Variants in DARS2 observed in about 807,000 individuals in gnomAD.
DARS2 encodes aspartate--tRNA ligase, mitochondrial.
A neutral mutation model predicts 83.0 loss-of-function variants in DARS2; 63 were observed. The ratio of observed to expected loss-of-function variants is 0.76; its 90% CI spans 0.62 to 0.94. The LOEUF (loss-of-function observed/expected upper bound fraction) is 0.94, where lower values mean the gene tolerates loss of function less well. Among genes scored for constraint, DARS2 ranks in the 40% least tolerant of loss-of-function variants. DARS2 has a pLI of 0.00. For missense variants in DARS2, 675 were observed against 774.4 expected (o/e 0.87, Z 1.52); for synonymous variants, 250 against 269.3 (o/e 0.93, Z 0.70).
chr1:173,830,159 T>C (rs897605787), intron 3 of DARS2, among the ~76,000 whole-genome samples: 2 of 152,216 alleles, frequency 1.3e-5, no homozygotes, highest in African/African-American at 2.4e-5. Context: ...TTGGTTTCTA[T>C]TGCAATTTTT....
intron 12 of DARS2, among the ~76,000 whole-genome samples, chr1:173,847,816 TACCTTCTGC>T (rs1653491936): frequency 6.6e-6 from 1 of 151,284 alleles, no homozygotes; most frequent in Non-Finnish European, 1.5e-5. Flanking sequence ...AGTTACTCTG[TACCTTCTGC>T]ACAGCTGTCT....
chr1:173,856,352 G>A (rs1267997624), intron 15 of DARS2, among the ~76,000 whole-genome samples: 1 of 152,162 alleles, frequency 6.6e-6, no homozygotes, highest in Non-Finnish European at 1.5e-5. Flanking sequence ...AGAGTTTCCT[G>A]CTTTTTATCC....
At chr1:173,826,199 G>A (rs963563102) in intron 1 of DARS2, among the ~76,000 whole-genome samples, 12 of 151,514 alleles carry the variant, frequency 7.9e-5, no homozygotes, top group African/African-American at 2.9e-4. Context: ...ACTCCAGCCT[G>A]GGCGACAGAG....
chr1:173,841,279 G>C (rs898338668), intron 11 of DARS2, among the ~76,000 whole-genome samples: 2 of 151,704 alleles, frequency 1.3e-5, no homozygotes, highest in African/African-American at 4.8e-5. Flanking sequence ...TGGGAGGCTG[G>C]GGCAGGAGAA....
intron 12 of DARS2, among the ~76,000 whole-genome samples, chr1:173,847,844 C>A (rs1486460594): frequency 1.3e-5 from 1 of 78,616 alleles, no homozygotes; most frequent in African/African-American, 5.8e-5. Context: ...CTTTCTGAAC[C>A]TTTTTTTTTT....
Position 173,840,774 on chromosome 1 carries a change from T to G in DARS2, c.1021-92T>G, listed in dbSNP as rs1653173091. 12 of 754,934 alleles carry G rather than the reference T, an allele frequency of 1.6e-5. No individual in the cohort carries two copies. The East Asian group carries it at 3.2e-4, about 20-fold the overall frequency. The allele number at this position is 754,934 out of a possible 1,614,324, so 46.8% of individuals were successfully genotyped here. A position where few individuals can be genotyped will look rare whatever the true frequency, so the allele number is the denominator to read the frequency against. On this transcript the variant is annotated intron_variant, in intron 10 of 16. Transcript: ENST00000649689. ...TTCTATAAATGTTAAATTATCAAGA[T>G]CTATTCTCTTCTTTAAAATCTTGTT...
intron 7 of DARS2, among the ~76,000 whole-genome samples, chr1:173,836,660 T>C (rs1653016435): frequency 6.6e-6 from 1 of 152,156 alleles, no homozygotes; most frequent in Admixed American, 6.6e-5. Context: ...GGATAGGAAA[T>C]GATACACAAA....
intron 11 of DARS2, among the ~76,000 whole-genome samples, chr1:173,843,751 G>A (rs916994569): frequency 3.9e-5 from 6 of 152,168 alleles, no homozygotes; most frequent in African/African-American, 7.2e-5. Context: ...CTGTTCTTGG[G>A]AGAAGCTGGT....
intron 2 of DARS2, among the ~76,000 whole-genome samples, 172 bp from the exon 3 acceptor site, chr1:173,828,161 T>C (rs1039077911): frequency 1.3e-5 from 2 of 152,184 alleles, no homozygotes; most frequent in African/African-American, 4.8e-5. Context: ...TGCATGAATG[T>C]AACTAATGAA....
intron 4 of DARS2, among the ~76,000 whole-genome samples, chr1:173,831,192 G>A (rs1198522526): frequency 6.6e-6 from 1 of 151,052 alleles, no homozygotes; most frequent in Non-Finnish European, 1.5e-5. Context: ...CAGGATTACA[G>A]GCGTGAGCCA....
chr1:173,839,471 T>C lies in DARS2; in HGVS notation c.945T>C (p.Pro315=). ...ATGACAAAGATCCTGTGGTTGTTCC[T>C]TTTCCTACTATGACTTTTGCTGAGG... The part of the protein sequence containing the change: ...WPNDKDPVVV[P]FPTMTFAEVL... The change falls in exon 10 of 17, where the codon CCT becomes CCC. Residue 315 remains proline (P), a synonymous_variant. Coordinates refer to ENST00000649689, the MANE Select transcript of DARS2 (RefSeq NM_018122.5). The C allele has an allele frequency of 6.2e-7, 1 of 1,614,120 alleles. No individual in the cohort carries two copies. The highest frequency in any genetic ancestry group is 8.5e-7 in the Non-Finnish European group (1 of 1,179,934).
At chr1:173,828,235 T>A (rs1652658895) in intron 2 of DARS2, 98 bp from the exon 3 acceptor site, 1 of 1,180,234 alleles carries the variant, frequency 8.5e-7, no homozygotes, top group Admixed American at 2.1e-5. Flanking sequence ...ACATGAAAAA[T>A]TGCATGGATT....
In DARS2 at chr1:173,845,272, C is replaced by T. The variant is rs767422563; in HGVS notation, c.1172C>T (p.Ala391Val). ...RKDIESIRNF[A>V]ADHFNQEILP... ...GACATTGAATCCATTAGAAACTTTG[C>T]AGCTGACCATTTTAATCAGGTAAGG... is the stretch of plus-strand genomic sequence containing the variant. The change falls in exon 12 of 17, where the codon GCA becomes GTA. Residue 391 changes from alanine (A) to valine (V), a missense_variant. By Grantham distance (64) the Ala-to-Val change is moderately conservative. Transcript: ENST00000649689. 8.7e-6 allele frequency: 14 copies of T among 1,610,916 alleles called. No homozygotes were observed. Among genetic ancestry groups the T allele is most frequent in the Non-Finnish European group, 7.6e-6 (9 of 1,177,372 alleles).
intron 2 of DARS2, 21 bp from the exon 3 acceptor site, chr1:173,828,312 T>TGGG: frequency 2.4e-5 from 37 of 1,551,218 alleles, no homozygotes; most frequent in Non-Finnish European, 2.9e-5. Flanking sequence ...AATGTTTCTT[T>TGGG]TCCCCCCCCC....
intron 1 of DARS2, 22 bp downstream of exon 1, chr1:173,825,378 A>G: frequency 1.2e-6 from 2 of 1,609,836 alleles, no homozygotes; most frequent in Non-Finnish European, 1.7e-6. Flanking sequence ...GAAGAGATCT[A>G]TCCTATGAAC....
At position 173,855,818 on chromosome 1, in the gene DARS2, T is replaced by A. The variant is rs567979827; in HGVS notation, c.1675-848T>A. 7.0e-3 allele frequency among the ~76,000 whole-genome samples: 617 copies of A among 88,332 alleles called. 4 individuals are homozygous for A. Among genetic ancestry groups the A allele is most frequent in the South Asian group, 5.5e-3 (20 of 3,608 alleles). 57.9% of individuals were successfully genotyped at this position (88,332 alleles called of 152,430 possible). On this transcript the variant is annotated intron_variant, in intron 15 of 16. Transcript: ENST00000649689. ...CAGGCACACACCATCACGCCCAGCATTTTTTTTTTTTTTTGTATTTTTAGT... is the reference window on the plus strand; with the variant it reads ...CAGGCACACACCATCACGCCCAGCAATTTTTTTTTTTTTTGTATTTTTAGT...
At chr1:173,831,845 A>G (rs1272953685) in intron 5 of DARS2, among the ~76,000 whole-genome samples, 1 of 152,176 alleles carries the variant, frequency 6.6e-6, no homozygotes, top group African/African-American at 2.4e-5. Flanking sequence ...CTAAATACCT[A>G]GACTGTTTTT....
chr1:173,828,756 A>G (rs979450496), intron 3 of DARS2, among the ~76,000 whole-genome samples: 7 of 152,222 alleles, frequency 4.6e-5, no homozygotes, highest in African/African-American at 1.7e-4. Context: ...CAGGTGCTCA[A>G]TACCTGGAGG....
chr1:173,825,449 C>CGTTATTATT lies in DARS2; in HGVS notation c.127+93_127+94insGTTATTATT, dbSNP rs375460948. The stretch of plus-strand genomic sequence containing the variant: ...TTATTCCATTTTTCATTTTTTCCCC[C>CGTTATTATT]ATTATTATTATTATTATTATTATTA... On this transcript the variant is annotated intron_variant, in intron 1 of 16. Coordinates refer to ENST00000649689, the MANE Select transcript of DARS2 (RefSeq NM_018122.5). 1.3e-5 allele frequency: 6 copies of CGTTATTATT among 446,574 alleles called. No individual in the cohort carries two copies. The African/African-American group carries it at 1.4e-4, about 11-fold the overall frequency. 27.7% of individuals were successfully genotyped at this position (446,574 alleles called of 1,614,324 possible).
Sources: gnomAD v4.1 joint callset for allele counts (sites outside exome capture counted in the v4.1 genomes callset) on GRCh38, gnomAD v4.1.1 for gene constraint, MANE v1.5 for transcripts, NCBI Gene and HGNC (gene_info 2026-07-23, HGNC 2026-07-21) for gene names.